ANTXR2: variants seen among roughly 807,000 people sequenced by gnomAD.
ANTXR2 encodes the protein anthrax toxin receptor 2.
In ANTXR2, 44 loss-of-function variants were observed where a neutral mutation model predicts 73.7. The observed-to-expected ratio is 0.60, with a 90% confidence interval of 0.47 to 0.77. ANTXR2 has a LOEUF of 0.77. Among genes scored for constraint, ANTXR2 ranks in the 30% least tolerant of loss-of-function variants. The pLI is 0.00. For missense variants in ANTXR2, 604 were observed against 592.5 expected (o/e 1.02, Z -0.20); for synonymous variants, 217 against 205.9 (o/e 1.05, Z -0.46).
At chr4:79,935,276 T>G (rs1232914018) in intron 16 of ANTXR2, among the ~76,000 whole-genome samples, 1 of 151,732 alleles carries the variant, frequency 6.6e-6, no homozygotes, top group East Asian at 1.9e-4. Flanking sequence ...CACCCTTTCC[T>G]CCAGGCTGGA....
At chr4:79,921,945 T>C (rs1727609576) in intron 16 of ANTXR2, among the ~76,000 whole-genome samples, 2 of 152,044 alleles carry the variant, frequency 1.3e-5, no homozygotes, top group South Asian at 4.1e-4. Context: ...CATCTAGTAA[T>C]AAGATGTAAT....
rs575835701 is a variant in ANTXR2, at chr4:79,947,543, CACTT to C, written c.1428+30074_1428+30077del. ...CCTTTACTGTGGGTGATGTCAAAAA[CACTT>C]ACTGCACAAGCAGAGACCTGTGTTT... On this transcript the variant is annotated intron_variant, in intron 16 of 16. Transcript: ENST00000403729. Among the ~76,000 whole-genome samples the C allele has an allele frequency of 9.9e-5, 15 of 152,258 alleles. No individual in the cohort carries two copies. In the South Asian group the frequency reaches 2.9e-3, roughly 29 times the overall value.
intron 16 of ANTXR2, among the ~76,000 whole-genome samples, chr4:79,914,621 T>G (rs142235952): frequency 6.6e-6 from 1 of 152,268 alleles, no homozygotes; most frequent in African/African-American, 2.4e-5. Context: ...TAGGGCTTAA[T>G]GAGGTACTCT....
At chr4:80,018,484 A>G (rs1731989021) in intron 11 of ANTXR2, among the ~76,000 whole-genome samples, 1 of 152,226 alleles carries the variant, frequency 6.6e-6, no homozygotes, top group African/African-American at 2.4e-5. Flanking sequence ...ACAAAATAAA[A>G]AAGTCACACA....
chr4:80,072,163 A>G (rs1462792447), intron 1 of ANTXR2, among the ~76,000 whole-genome samples: 2 of 152,210 alleles, frequency 1.3e-5, no homozygotes, highest in Admixed American at 1.3e-4. Context: ...AGACTGGCAA[A>G]CAGTGAATAC....
intron 16 of ANTXR2, among the ~76,000 whole-genome samples, chr4:79,963,460 C>A (rs1365648247): frequency 6.6e-6 from 1 of 151,852 alleles, no homozygotes; most frequent in African/African-American, 2.4e-5. Flanking sequence ...TCAATCATTT[C>A]AAAAAAACGA....
chr4:79,998,014 A>T (rs1477395555), intron 12 of ANTXR2, among the ~76,000 whole-genome samples: 2 of 151,986 alleles, frequency 1.3e-5, no homozygotes, highest in Non-Finnish European at 2.9e-5. Flanking sequence ...TCCAAAAAAG[A>T]AATCAGGCTG....
chr4:80,042,217 C>T (rs957330152), intron 7 of ANTXR2, among the ~76,000 whole-genome samples: 4 of 151,976 alleles, frequency 2.6e-5, no homozygotes, highest in Non-Finnish European at 5.9e-5. Flanking sequence ...CTACCACAAG[C>T]CCTAACTCTG....
At chr4:79,986,191 C>T (rs1474570350) in intron 12 of ANTXR2, among the ~76,000 whole-genome samples, 1 of 152,048 alleles carries the variant, frequency 6.6e-6, no homozygotes, top group African/African-American at 2.4e-5. Context: ...TTCACACCAT[C>T]GTGATGGAAA....
chr4:79,949,153 A>G (rs984402356), intron 16 of ANTXR2, among the ~76,000 whole-genome samples: 7 of 152,176 alleles, frequency 4.6e-5, no homozygotes, highest in African/African-American at 1.7e-4. Context: ...AATGTATTTG[A>G]ACATTATAAA....
At chr4:79,934,249 G>A (rs540431894) in intron 16 of ANTXR2, among the ~76,000 whole-genome samples, 11 of 152,258 alleles carry the variant, frequency 7.2e-5, no homozygotes, top group Middle Eastern at 3.4e-3. Context: ...AAATCTGGCC[G>A]TGTGCAGTGG....
chr4:79,979,983 G>A (rs925219411), intron 14 of ANTXR2, among the ~76,000 whole-genome samples: 12 of 152,020 alleles, frequency 7.9e-5, no homozygotes, highest in African/African-American at 1.9e-4. Flanking sequence ...CAGCTCTCTC[G>A]CCTATGTTTC....
At chr4:80,065,650 G>A (rs960904698) in intron 3 of ANTXR2, among the ~76,000 whole-genome samples, 34 of 152,204 alleles carry the variant, frequency 2.2e-4, no homozygotes, top group African/African-American at 7.5e-4. Context: ...CTTTATTCAT[G>A]CATTTACATA....
chr4:80,001,387 A>G (rs34612186), intron 12 of ANTXR2, among the ~76,000 whole-genome samples: 10,473 of 144,048 alleles, frequency 0.073, 439 homozygotes, highest in Middle Eastern at 0.12. Context: ...TCATTGTTCA[A>G]TTCCCACATT....
intron 7 of ANTXR2, among the ~76,000 whole-genome samples, chr4:80,044,483 C>T (rs893402603): frequency 3.3e-5 from 5 of 151,522 alleles, no homozygotes; most frequent in African/African-American, 1.2e-4. Flanking sequence ...TAGTTGGTGT[C>T]GATCCAAGAT....
chr4:79,989,890 C>A (rs1263066834), intron 12 of ANTXR2, among the ~76,000 whole-genome samples: 1 of 151,886 alleles, frequency 6.6e-6, no homozygotes, highest in East Asian at 1.9e-4. Context: ...ACCACATGAT[C>A]ATCTCAATAG....
intron 12 of ANTXR2, among the ~76,000 whole-genome samples, chr4:79,997,484 A>G (rs979589280): frequency 6.6e-6 from 1 of 151,904 alleles, no homozygotes; most frequent in Admixed American, 6.6e-5. Flanking sequence ...TCAGAGAGGA[A>G]GTAAAATGCC....
At chr4:80,046,744 C>T (rs1436209742) in intron 7 of ANTXR2, among the ~76,000 whole-genome samples, 2 of 151,610 alleles carry the variant, frequency 1.3e-5, no homozygotes, top group South Asian at 2.1e-4. Context: ...AATACACATC[C>T]TAAAAATTGT....
intron 16 of ANTXR2, among the ~76,000 whole-genome samples, chr4:79,910,641 A>G (rs552241347): frequency 1.3e-5 from 2 of 152,256 alleles, no homozygotes; most frequent in African/African-American, 4.8e-5. Context: ...ATAATTTCTT[A>G]CTTAGGAACA....
Sources: gnomAD v4.1 joint callset for allele counts (sites outside exome capture counted in the v4.1 genomes callset) on GRCh38, gnomAD v4.1.1 for gene constraint, MANE v1.5 for transcripts, NCBI Gene and HGNC (gene_info 2026-07-23, HGNC 2026-07-21) for gene names.